Variants in SLC24A2 observed in about 807,000 individuals in gnomAD.
SLC24A2 encodes solute carrier family 24 member 2.
A neutral mutation model predicts 62.0 loss-of-function variants in SLC24A2; 36 were observed. The observed-to-expected ratio is 0.58, with a 90% CI of 0.44 to 0.77. The LOEUF is 0.77. Among genes scored for constraint, SLC24A2 ranks in the 30% least tolerant of loss-of-function variants. The probability of loss-of-function intolerance (pLI) is 0.00; values close to 1 mark genes in which losing one functional copy is unlikely to be tolerated. For synonymous variants in SLC24A2, 358 were observed against 294.0 expected, an observed-to-expected ratio of 1.22 and a Z score of -2.23; for missense variants, 846 against 817.9, an observed-to-expected ratio of 1.03 and a Z score of -0.42.
the SLC24A2 span, among the ~76,000 whole-genome samples, chr9:19,814,704 T>C: frequency 1.3e-5 from 2 of 152,200 alleles, no homozygotes; most frequent in African/African-American, 2.4e-5. Context: ...TTTCTTGACC[T>C]ACTAGAACTT....
At chr9:20,144,187 A>G in the SLC24A2 span, among the ~76,000 whole-genome samples, 1 of 152,092 alleles carries the variant, frequency 6.6e-6, no homozygotes. Flanking sequence ...TGAAAACCCA[A>G]CTCTCTGAGG....
chr9:19,790,665 T>A (rs975645003), upstream of SLC24A2, among the ~76,000 whole-genome samples: 3 of 152,174 alleles, frequency 2.0e-5, no homozygotes, highest in South Asian at 2.1e-4. Flanking sequence ...AGCTCATAAT[T>A]TTCAAAACTG....
chr9:20,020,421 A>G, the SLC24A2 span, among the ~76,000 whole-genome samples: 1 of 152,192 alleles, frequency 6.6e-6, no homozygotes, highest in Non-Finnish European at 1.5e-5. Flanking sequence ...GTCCTTTGCA[A>G]GGACATGGAT....
intron 2 of SLC24A2, among the ~76,000 whole-genome samples, chr9:19,649,534 A>C (rs2224488): frequency 0.75 from 113,651 of 151,992 alleles, 42,611 homozygotes; most frequent in East Asian, 0.87. Context: ...TTTCTTTCAG[A>C]ATTTGAAAAT....
At chr9:20,109,396 G>A in the SLC24A2 span, among the ~76,000 whole-genome samples, 3 of 152,146 alleles carry the variant, frequency 2.0e-5, no homozygotes, top group Non-Finnish European at 2.9e-5. Flanking sequence ...ATGTTTCCAC[G>A]ACCCTAACTG....
chr9:19,650,380 G>C (rs1443289965), intron 2 of SLC24A2, among the ~76,000 whole-genome samples: 1 of 152,162 alleles, frequency 6.6e-6, no homozygotes, highest in Non-Finnish European at 1.5e-5. Flanking sequence ...ACCCAGCATG[G>C]GGACACTTAA....
the SLC24A2 span, among the ~76,000 whole-genome samples, chr9:20,128,687 G>C: frequency 6.6e-6 from 1 of 152,034 alleles, no homozygotes; most frequent in Non-Finnish European, 1.5e-5. Context: ...TTCAACAAAG[G>C]TGCTAAGACC....
chr9:20,117,222 T>G, the SLC24A2 span, among the ~76,000 whole-genome samples: 2 of 152,180 alleles, frequency 1.3e-5, no homozygotes, highest in Non-Finnish European at 2.9e-5. Context: ...GGTATATGAC[T>G]TCTCGAAAAA....
chr9:19,545,827 A>C (rs938818894), intron 8 of SLC24A2, among the ~76,000 whole-genome samples: 2 of 151,754 alleles, frequency 1.3e-5, no homozygotes, highest in African/African-American at 4.8e-5. Context: ...TTTACTAGAG[A>C]CGGGTTTCAC....
the SLC24A2 span, among the ~76,000 whole-genome samples, chr9:20,306,575 G>T: frequency 6.6e-6 from 1 of 152,238 alleles, no homozygotes; most frequent in Non-Finnish European, 1.5e-5. Flanking sequence ...GGGATTACCA[G>T]CCCAGAGCCA....
intron 2 of SLC24A2, among the ~76,000 whole-genome samples, chr9:19,633,288 T>C (rs1449754803): frequency 2.0e-5 from 3 of 152,216 alleles, no homozygotes; most frequent in African/African-American, 7.2e-5. Flanking sequence ...TGTGTAACTA[T>C]GTTTCATTTA....
chr9:19,624,021 A>G (rs1188276074), intron 2 of SLC24A2, among the ~76,000 whole-genome samples: 1 of 152,212 alleles, frequency 6.6e-6, no homozygotes, highest in Non-Finnish European at 1.5e-5. Flanking sequence ...ACTGGAGTGG[A>G]CAGGAAACTG....
chr9:20,205,665 A>C, the SLC24A2 span, among the ~76,000 whole-genome samples: 1 of 151,322 alleles, frequency 6.6e-6, no homozygotes, highest in African/African-American at 2.4e-5. Flanking sequence ...AAAAAAAAAA[A>C]AAAAAAAAAC....
At chr9:19,836,960 A>T in the SLC24A2 span, among the ~76,000 whole-genome samples, 1 of 152,366 alleles carries the variant, frequency 6.6e-6, no homozygotes, top group East Asian at 1.9e-4. Context: ...GCATATAAAC[A>T]GAACCAAAGA....
chr9:20,259,620 G>T, the SLC24A2 span, among the ~76,000 whole-genome samples: 4 of 151,968 alleles, frequency 2.6e-5, no homozygotes, highest in Non-Finnish European at 5.9e-5. Context: ...ATGATCTCAA[G>T]TCTCTGGAGA....
chr9:20,058,492 TACACACACACACAC>T, the SLC24A2 span, among the ~76,000 whole-genome samples: 3 of 147,808 alleles, frequency 2.0e-5, no homozygotes, highest in African/African-American at 7.6e-5. Context: ...ATGCCCTTCA[TACACACACACACAC>T]ACACACACAC....
the SLC24A2 span, among the ~76,000 whole-genome samples, chr9:19,871,869 T>A: frequency 1.5e-3 from 221 of 152,340 alleles, 2 homozygotes; most frequent in African/African-American, 4.7e-3. Context: ...TAAAAACATA[T>A]GCAAAATTTT....
chr9:19,837,684 A>T, the SLC24A2 span, among the ~76,000 whole-genome samples: 1 of 152,080 alleles, frequency 6.6e-6, no homozygotes, highest in African/African-American at 2.4e-5. Context: ...GTCTCAGCCA[A>T]AAATCTCCTT....
At chr9:19,880,303 C>T in the SLC24A2 span, among the ~76,000 whole-genome samples, 1 of 152,176 alleles carries the variant, frequency 6.6e-6, no homozygotes, top group African/African-American at 2.4e-5. Flanking sequence ...GGTTGGCATG[C>T]AACTTTTCAT....
Sources: allele counts gnomAD v4.1 joint callset (sites outside exome capture counted in the v4.1 genomes callset), GRCh38; gene constraint gnomAD v4.1.1; transcripts MANE v1.5; gene names NCBI Gene and HGNC (gene_info 2026-07-23, HGNC 2026-07-21).